Variants in CYLC2 observed in about 807,000 individuals in gnomAD.
CYLC2 encodes the protein cylicin-2.
In CYLC2, 30 loss-of-function variants were observed where a neutral mutation model predicts 26.1. The ratio of observed to expected loss-of-function variants is 1.15; its 90% CI spans 0.86 to 1.56. The LOEUF is 1.56. Among genes scored for constraint, CYLC2 ranks in the 40% most tolerant of loss-of-function variants. CYLC2 has a pLI of 0.00. For missense variants in CYLC2, 498 were observed against 394.4 expected (o/e 1.26, Z -2.23); for synonymous variants, 158 against 132.8 (o/e 1.19, Z -1.31).
At chr9:102,999,748 T>C (rs532159093) in intron 1 of CYLC2, among the ~76,000 whole-genome samples, 123 of 152,064 alleles carry the variant, frequency 8.1e-4, no homozygotes, top group African/African-American at 2.9e-3. Context: ...TTATTTATTT[T>C]GTCAATTGGA....
chr9:103,006,726 T>A (rs1829355789), intron 5 of CYLC2, among the ~76,000 whole-genome samples: 1 of 152,148 alleles, frequency 6.6e-6, no homozygotes, highest in Non-Finnish European at 1.5e-5. Context: ...TTTTGTTTTA[T>A]TTTAAGCCAG....
At position 103,001,596 on chromosome 9, in the gene CYLC2, G is replaced by A; in HGVS notation, c.36G>A (p.Gly12=). 1 of 1,558,470 alleles carries A rather than the reference G, an allele frequency of 6.4e-7. No individual in the cohort carries two copies. The highest frequency in any genetic ancestry group is 8.8e-7 in the Non-Finnish European group (1 of 1,134,950). ...TTAATAGCCAAAGAGTAAACTTTGG[G>A]CCATATGATAATTACATTCCAGGTA... ...SLPRFQRVNF[G]PYDNYIPVSE... is the part of the protein sequence containing the mutation. The change falls in exon 2 of 8, where the codon GGG becomes GGA. Residue 12 remains glycine, a synonymous_variant. Coordinates refer to ENST00000374798, the MANE Select transcript of CYLC2 (RefSeq NM_001340.5).
intron 6 of CYLC2, among the ~76,000 whole-genome samples, chr9:103,013,768 T>C (rs1829448819): frequency 1.9e-5 from 2 of 106,950 alleles, no homozygotes; most frequent in South Asian, 2.9e-4. Context: ...AATTATATTT[T>C]ATATTATATA....
intron 6 of CYLC2, among the ~76,000 whole-genome samples, chr9:103,014,870 A>AATAT (rs1248024957): frequency 7.6e-6 from 1 of 131,568 alleles, no homozygotes; most frequent in African/African-American, 2.9e-5. Context: ...TAATATATGT[A>AATAT]ATATACTATG....
chr9:103,008,572 C>G, intron 5 of CYLC2, among the ~76,000 whole-genome samples: 1 of 151,964 alleles, frequency 6.6e-6, no homozygotes. Context: ...CCAGCAATGC[C>G]TCTTTCTCCC....
intron 6 of CYLC2, among the ~76,000 whole-genome samples, chr9:103,014,181 A>G (rs575732553): frequency 5.8e-5 from 7 of 121,034 alleles, no homozygotes; most frequent in African/African-American, 2.3e-4. Flanking sequence ...TATATATCTC[A>G]TATATAATAT....
rs559885293 is a variant in CYLC2, at chr9:102,996,492, T to C, written c.17+1095T>C. Among the ~76,000 whole-genome samples the C allele has an allele frequency of 5.0e-3, 754 of 152,026 alleles. 1 individual carries two copies. Among genetic ancestry groups the C allele is most frequent in the Non-Finnish European group, 8.7e-3 (592 of 67,876 alleles). ...AGTGTAATCCCAAAACATTCTGGTT[T>C]TTGTAGGAGGAAACTGATAGAAATC... is the stretch of plus-strand genomic sequence containing the variant. On this transcript the variant is annotated intron_variant, in intron 1 of 7. Coordinates refer to ENST00000374798, the MANE Select transcript of CYLC2 (RefSeq NM_001340.5).
chr9:103,003,096 G>A, intron 2 of CYLC2, 46 bp from the exon 3 acceptor site: 5 of 1,602,078 alleles, frequency 3.1e-6, no homozygotes, highest in Non-Finnish European at 4.3e-6. Context: ...AGCTCTGATG[G>A]AATTCTATTC....
chr9:103,014,885 T>TTATGTAATATACATAATA (rs1357532456), intron 6 of CYLC2, among the ~76,000 whole-genome samples: 3 of 133,976 alleles, frequency 2.2e-5, no homozygotes, highest in African/African-American at 8.6e-5. Context: ...ACTATGTATA[T>TTATGTAATATACATAATA]TATGTAATAT....
At chr9:103,015,464 A>G (rs940460773) in intron 6 of CYLC2, among the ~76,000 whole-genome samples, 14 of 138,242 alleles carry the variant, frequency 1.0e-4, no homozygotes, top group Non-Finnish European at 1.8e-4. Context: ...TTATATAATT[A>G]TAATATATAA....
intron 5 of CYLC2, among the ~76,000 whole-genome samples, chr9:103,006,590 AT>A (rs751956230): frequency 7.3e-4 from 111 of 151,770 alleles, no homozygotes; most frequent in Non-Finnish European, 1.5e-3. Context: ...ATTTTTTTGT[AT>A]TTTTAGTAGA....
At chr9:103,016,286 T>G (rs1272603389) in intron 6 of CYLC2, among the ~76,000 whole-genome samples, 1 of 151,600 alleles carries the variant, frequency 6.6e-6, no homozygotes, top group Admixed American at 6.6e-5. Flanking sequence ...GTAAACAGAG[T>G]GGCCTAAATA....
At chr9:103,010,416 T>C (rs541289583) in intron 5 of CYLC2, among the ~76,000 whole-genome samples, 3 of 152,240 alleles carry the variant, frequency 2.0e-5, no homozygotes, top group South Asian at 2.1e-4. Flanking sequence ...TTTCCTCGTA[T>C]TATCACTTAA....
At chr9:103,014,691 A>ATTATGCAG in intron 6 of CYLC2, among the ~76,000 whole-genome samples, 4 of 127,970 alleles carry the variant, frequency 3.1e-5, no homozygotes, top group African/African-American at 1.2e-4. Context: ...TACATATGTA[A>ATTATGCAG]TATACGTATG....
At chr9:103,010,437 C>A (rs1829395071) in intron 5 of CYLC2, among the ~76,000 whole-genome samples, 1 of 152,046 alleles carries the variant, frequency 6.6e-6, no homozygotes, top group Non-Finnish European at 1.5e-5. Context: ...TCCTCACAAT[C>A]CTAATATATC....
chr9:102,995,611 C>T (rs572809173), intron 1 of CYLC2, among the ~76,000 whole-genome samples: 4 of 151,820 alleles, frequency 2.6e-5, no homozygotes, highest in African/African-American at 7.2e-5. Flanking sequence ...AGATACCTGG[C>T]TTTGGATAAG....
Position 103,005,227 on chromosome 9 carries a change from G to T in CYLC2, c.596G>T (p.Gly199Val), listed in dbSNP as rs781289572. 2.1e-5 allele frequency: 34 copies of T among 1,611,696 alleles called. No homozygotes were observed. Among genetic ancestry groups the T allele is most frequent in the Non-Finnish European group, 2.5e-6 (3 of 1,179,472 alleles). ...NKKDKKDSNK[G>V]KDSATESEGE... ...AAAGATAAAAAGGATTCAAACAAAG[G>T]CAAAGACTCGGCAACAGAATCTGAA... Residue 199 changes from glycine to valine, a missense_variant, in exon 5 of 8, where the codon GGC becomes GTC. Transcript: ENST00000374798.
intron 2 of CYLC2, 116 bp downstream of exon 2, chr9:103,001,734 C>CAATTT: frequency 1.5e-6 from 1 of 658,946 alleles, no homozygotes; most frequent in Non-Finnish European, 2.6e-6. Flanking sequence ...TGATAATTAA[C>CAATTT]TATTTCCCAA....
At chr9:103,013,133 C>T (rs796138018) in intron 6 of CYLC2, among the ~76,000 whole-genome samples, 7 of 57,350 alleles carry the variant, frequency 1.2e-4, no homozygotes, top group African/African-American at 2.4e-4. Context: ...AAATATATAT[C>T]ATATAAATAT....
Sources: allele counts gnomAD v4.1 joint callset (sites outside exome capture counted in the v4.1 genomes callset), GRCh38; gene constraint gnomAD v4.1.1; transcripts MANE v1.5; gene names NCBI Gene and HGNC (gene_info 2026-07-23, HGNC 2026-07-21).